The following EXOC4 variants were observed in gnomAD, a reference collection of about 807,000 sequenced individuals.
EXOC4 encodes the protein SEC8-like 1.
EXOC4 carries 71 observed loss-of-function variants against 107.2 expected under a neutral mutation model. The observed-to-expected ratio is 0.66, with a 90% CI of 0.55 to 0.81. The LOEUF is 0.81. Among genes scored for constraint, EXOC4 ranks in the 30% least tolerant of loss-of-function variants. The pLI is 0.00. For synonymous variants in EXOC4, 456 were observed against 441.2 expected, an observed-to-expected ratio of 1.03 and a Z score of -0.42; for missense variants, 1,108 against 1,189.6, an observed-to-expected ratio of 0.93 and a Z score of 1.01.
At chr7:134,050,125 A>G (rs1185339312) in intron 17 of EXOC4, among the ~76,000 whole-genome samples, 1 of 152,226 alleles carries the variant, frequency 6.6e-6, no homozygotes, top group African/African-American at 2.4e-5. Context: ...ACATTCAAGA[A>G]AGACTGCTTC....
chr7:134,009,773 T>C (rs1794724172), intron 17 of EXOC4: 2 of 152,052 alleles, frequency 1.3e-5, no homozygotes, highest in South Asian at 4.1e-4. Context: ...AATTCAATCA[T>C]CCTATTTTAA....
chr7:133,973,925 A>AGGG (rs556966542), intron 14 of EXOC4, among the ~76,000 whole-genome samples: 396 of 152,300 alleles, frequency 2.6e-3, no homozygotes, highest in Non-Finnish European at 3.4e-3. Context: ...CCCTGGTGGA[A>AGGG]GGGGGAAGGC....
chr7:133,422,274 C>T (rs965831379), intron 7 of EXOC4, among the ~76,000 whole-genome samples: 39 of 152,186 alleles, frequency 2.6e-4, no homozygotes, highest in South Asian at 2.1e-4. Context: ...AAGTTTAAAT[C>T]GGAGATTTTT....
At chr7:133,959,386 A>T (rs1800888913) in intron 14 of EXOC4, among the ~76,000 whole-genome samples, 1 of 152,066 alleles carries the variant, frequency 6.6e-6, no homozygotes, top group Non-Finnish European at 1.5e-5. Context: ...TCTTAGAAAT[A>T]AAAAATAAAG....
intron 11 of EXOC4, among the ~76,000 whole-genome samples, chr7:133,851,084 A>G (rs1427383316): frequency 1.3e-5 from 2 of 152,172 alleles, no homozygotes; most frequent in African/African-American, 4.8e-5. Context: ...GTGATCTGTC[A>G]AGCACACATG....
rs79765196 is a variant in EXOC4, at chr7:134,058,925, G to C, written c.2688-5366G>C. ...AGATAATTGTAGTTCCTATTTAAAA[G>C]GATTGAAATGCACCTAAAAGCTAGA... is the stretch of plus-strand genomic sequence containing the variant. On this transcript the variant is annotated intron_variant, in intron 17 of 17. Transcript: ENST00000253861. 8.2e-3 allele frequency among the ~76,000 whole-genome samples: 1,241 copies of C among 152,190 alleles called. 21 individuals are homozygous for C. The highest frequency in any genetic ancestry group is 0.029 in the African/African-American group (1,203 of 41,514).
chr7:134,078,621 T>G, the EXOC4 span, among the ~76,000 whole-genome samples: 1 of 152,112 alleles, frequency 6.6e-6, no homozygotes, highest in South Asian at 2.1e-4. Flanking sequence ...CAGCTTAGAG[T>G]TCCTTGTATT....
intron 10 of EXOC4, among the ~76,000 whole-genome samples, chr7:133,637,097 G>A (rs972272170): frequency 6.6e-6 from 1 of 152,170 alleles, no homozygotes; most frequent in Non-Finnish European, 1.5e-5. Context: ...AAGTTAGGAG[G>A]ACAGGAAGTA....
At chr7:133,942,467 G>A (rs1326342710) in intron 14 of EXOC4, among the ~76,000 whole-genome samples, 3 of 152,086 alleles carry the variant, frequency 2.0e-5, no homozygotes, top group Admixed American at 6.5e-5. Context: ...GAATTGGTTT[G>A]TGAATTGCAG....
chr7:133,501,589 T>TG (rs1203746287), intron 9 of EXOC4, among the ~76,000 whole-genome samples: 1 of 152,150 alleles, frequency 6.6e-6, no homozygotes, highest in East Asian at 1.9e-4. Context: ...AAATAGACAT[T>TG]GTGACAAGTG....
chr7:133,517,349 GC>G (rs1445629514), intron 9 of EXOC4, among the ~76,000 whole-genome samples: 3 of 152,084 alleles, frequency 2.0e-5, no homozygotes, highest in African/African-American at 7.2e-5. Flanking sequence ...GGAAAATGAA[GC>G]CTACAAATCT....
intron 10 of EXOC4, among the ~76,000 whole-genome samples, chr7:133,678,213 T>C (rs1403204468): frequency 6.6e-6 from 1 of 152,216 alleles, no homozygotes; most frequent in Non-Finnish European, 1.5e-5. Flanking sequence ...GCACCATAGA[T>C]TGACTGCTTT....
At chr7:133,361,690 T>G (rs747131082) in intron 6 of EXOC4, among the ~76,000 whole-genome samples, 1 of 152,184 alleles carries the variant, frequency 6.6e-6, no homozygotes. Context: ...ATCTGAGAGG[T>G]AAAAAATGGT....
intron 9 of EXOC4, among the ~76,000 whole-genome samples, chr7:133,515,059 A>G (rs538113144): frequency 6.6e-6 from 1 of 152,232 alleles, no homozygotes; most frequent in East Asian, 1.9e-4. Context: ...TTTTTAGAGC[A>G]CTTTTTTGTA....
rs755803622 is a variant in EXOC4, at chr7:133,480,031, C to T, written c.1329-19C>T. On this transcript the variant is annotated intron_variant, in intron 8 of 17. Coordinates refer to ENST00000253861, the MANE Select transcript of EXOC4 (RefSeq NM_021807.4). ...TTGGTTTACACCTGCTTGTCTGTTT[C>T]CCCTGTGTTTCTCTGCAGGTTCGAA... is the stretch of plus-strand genomic sequence containing the variant. 8 of 1,607,654 alleles carry T rather than the reference C, an allele frequency of 5.0e-6. No individual in the cohort carries two copies. In the Admixed American group the frequency reaches 1.3e-4, roughly 27 times the overall value.
At chr7:133,337,387 C>T (rs147989928) in intron 5 of EXOC4, among the ~76,000 whole-genome samples, 1 of 152,036 alleles carries the variant, frequency 6.6e-6, no homozygotes, top group Non-Finnish European at 1.5e-5. Context: ...GTGTTTGGTA[C>T]TGTTCAACAT....
intron 15 of EXOC4, among the ~76,000 whole-genome samples, chr7:133,998,620 G>C (rs1290927727): frequency 2.0e-5 from 3 of 152,126 alleles, no homozygotes; most frequent in Non-Finnish European, 2.9e-5. Context: ...AGACAGGCTG[G>C]AGCCCAATCC....
At chr7:133,307,955 CA>C (rs1794790198) in intron 4 of EXOC4, among the ~76,000 whole-genome samples, 1 of 152,174 alleles carries the variant, frequency 6.6e-6, no homozygotes, top group Non-Finnish European at 1.5e-5. Context: ...TCCATGAAAA[CA>C]GTAACCGGGA....
At chr7:133,659,551 A>G (rs1803388932) in intron 10 of EXOC4, among the ~76,000 whole-genome samples, 1 of 152,150 alleles carries the variant, frequency 6.6e-6, no homozygotes, top group Admixed American at 6.6e-5. Context: ...AGTGTTTGTC[A>G]AAGTGTGTTC....
Sources: gnomAD v4.1 joint callset for allele counts (sites outside exome capture counted in the v4.1 genomes callset) on GRCh38, gnomAD v4.1.1 for gene constraint, MANE v1.5 for transcripts, NCBI Gene and HGNC (gene_info 2026-07-23, HGNC 2026-07-21) for gene names.